The following RELN variants were observed in gnomAD, a reference collection of about 807,000 sequenced individuals.
RELN encodes the protein reelin.
In RELN, 108 loss-of-function variants were observed where a neutral mutation model predicts 427.6. The observed-to-expected ratio is 0.25, with a 90% CI of 0.22 to 0.30. RELN has a LOEUF of 0.30. Ranked by LOEUF, RELN falls within the 10% of genes least tolerant of loss-of-function variation. RELN has a pLI of 1.00. For missense variants in RELN, 3,715 were observed against 4,302.8 expected, an observed-to-expected ratio of 0.86 and a Z score of 3.82; for synonymous variants, 1,524 against 1,513.4, an observed-to-expected ratio of 1.01 and a Z score of -0.16.
chr7:103,941,016 G>A (rs1267945145), intron 1 of RELN, among the ~76,000 whole-genome samples: 6 of 152,024 alleles, frequency 3.9e-5, no homozygotes, highest in South Asian at 2.1e-4. Flanking sequence ...TAGCTTCTAC[G>A]CAATAAGCGT....
chr7:103,673,175 C>G (rs1282742625), intron 11 of RELN, among the ~76,000 whole-genome samples: 1 of 152,000 alleles, frequency 6.6e-6, no homozygotes, highest in East Asian at 1.9e-4. Flanking sequence ...TCTATTTACC[C>G]TGTATTTTAT....
intron 11 of RELN, among the ~76,000 whole-genome samples, chr7:103,671,963 T>C (rs1363078360): frequency 6.6e-6 from 1 of 152,166 alleles, no homozygotes; most frequent in Non-Finnish European, 1.5e-5. Context: ...CAAGCTTACA[T>C]AAAATCCCTC....
intron 1 of RELN, among the ~76,000 whole-genome samples, chr7:103,951,961 C>G (rs1195599585): frequency 6.6e-6 from 1 of 152,274 alleles, no homozygotes; most frequent in Non-Finnish European, 1.5e-5. Context: ...GTGTGAGCCA[C>G]TGTGCCCGGC....
intron 28 of RELN, among the ~76,000 whole-genome samples, chr7:103,583,683 G>T (rs1295737262): frequency 6.6e-6 from 1 of 152,148 alleles, no homozygotes; most frequent in African/African-American, 2.4e-5. Flanking sequence ...GACAAACAGA[G>T]AACTCACAGG....
chr7:103,712,690 A>G (rs1789835499), intron 8 of RELN, among the ~76,000 whole-genome samples: 1 of 152,206 alleles, frequency 6.6e-6, no homozygotes, highest in Non-Finnish European at 1.5e-5. Flanking sequence ...AATTCAGCTC[A>G]TGTCAAACTT....
At chr7:103,659,255 T>C (rs1833087864) in intron 12 of RELN, among the ~76,000 whole-genome samples, 1 of 152,082 alleles carries the variant, frequency 6.6e-6, no homozygotes, top group Admixed American at 6.6e-5. Context: ...TAATTTCTGA[T>C]TATTTCAATC....
At chr7:103,903,511 C>T (rs889888569) in intron 2 of RELN, among the ~76,000 whole-genome samples, 1 of 151,986 alleles carries the variant, frequency 6.6e-6, no homozygotes, top group Non-Finnish European at 1.5e-5. Flanking sequence ...TATGCTTTGC[C>T]AAGACAGAAG....
chr7:103,961,645 G>A (rs543593145), intron 1 of RELN, among the ~76,000 whole-genome samples: 1 of 152,144 alleles, frequency 6.6e-6, no homozygotes, highest in Non-Finnish European at 1.5e-5. Context: ...TTGGGATTGT[G>A]AGTCTAGGCT....
chr7:103,852,668 TG>T (rs1478799867), intron 2 of RELN, among the ~76,000 whole-genome samples: 1 of 141,410 alleles, frequency 7.1e-6, no homozygotes, highest in Non-Finnish European at 1.6e-5. Flanking sequence ...AACTCACCTT[TG>T]TTTTTGTTGT....
chr7:103,649,134 T>A (rs1832858845), intron 16 of RELN, among the ~76,000 whole-genome samples: 1 of 152,036 alleles, frequency 6.6e-6, no homozygotes, highest in East Asian at 1.9e-4. Flanking sequence ...AAACCTTTAC[T>A]TGTATGTTTA....
intron 51 of RELN, chr7:103,504,345 T>G: frequency 6.7e-6 from 1 of 150,346 alleles, no homozygotes; most frequent in Non-Finnish European, 1.5e-5. Context: ...TCATAATGAT[T>G]TAACTCGGAG....
At chr7:103,671,896 T>C (rs906511601) in intron 11 of RELN, among the ~76,000 whole-genome samples, 3 of 152,152 alleles carry the variant, frequency 2.0e-5, no homozygotes, top group Non-Finnish European at 4.4e-5. Context: ...CAAAACTCAC[T>C]TAATATAATG....
At chr7:103,808,191 A>T (rs997698353) in intron 3 of RELN, among the ~76,000 whole-genome samples, 3 of 151,618 alleles carry the variant, frequency 2.0e-5, no homozygotes, top group African/African-American at 7.3e-5. Context: ...AACAATAAAG[A>T]TAACCATCAA....
At chr7:103,544,092 A>G (rs7783520) in intron 42 of RELN, among the ~76,000 whole-genome samples, 1,764 of 152,248 alleles carry the variant, frequency 0.012, 31 homozygotes, top group African/African-American at 0.04. Context: ...AGCATGTATC[A>G]GTATTTCATT....
intron 1 of RELN, among the ~76,000 whole-genome samples, chr7:103,951,612 T>C (rs1461771754): frequency 2.0e-5 from 3 of 152,154 alleles, no homozygotes; most frequent in East Asian, 3.9e-4. Flanking sequence ...TCAACACCCA[T>C]TGCCATGAAA....
At chr7:103,754,322 A>G (rs1030261442) in intron 4 of RELN, among the ~76,000 whole-genome samples, 2 of 152,100 alleles carry the variant, frequency 1.3e-5, no homozygotes, top group Admixed American at 1.3e-4. Context: ...GACTACTAGA[A>G]TATTTAAAAT....
At chr7:103,747,559 C>T (rs539000644) in intron 6 of RELN, among the ~76,000 whole-genome samples, 1 of 151,550 alleles carries the variant, frequency 6.6e-6, no homozygotes, top group Admixed American at 6.6e-5. Context: ...CCAGGGTAGT[C>T]TGATATCAGG....
chr7:103,724,222 G>C lies in RELN; in HGVS notation c.754-1031C>G, dbSNP rs576298851. Among the ~76,000 whole-genome samples the C allele has an allele frequency of 9.9e-5, 15 of 151,320 alleles. No individual in the cohort carries two copies. The South Asian group carries it at 3.1e-3, about 32-fold the overall frequency. Reference sequence around the variant, plus strand: ...TTTTGAGACAGACTCTCTCTCTGTTGCACTTTGCTTCTTATATGTCTTAAT... The same window carrying C: ...TTTTGAGACAGACTCTCTCTCTGTTCCACTTTGCTTCTTATATGTCTTAAT... On this transcript the variant is annotated intron_variant, in intron 7 of 64. Transcript: ENST00000428762.
chr7:103,746,748 A>T (rs1349740881), intron 6 of RELN, among the ~76,000 whole-genome samples: 5 of 151,134 alleles, frequency 3.3e-5, no homozygotes, highest in Admixed American at 6.6e-5. Flanking sequence ...GGCGATCATT[A>T]AAAAGTCAGG....
Sources: gnomAD v4.1 joint callset for allele counts (sites outside exome capture counted in the v4.1 genomes callset) on GRCh38, gnomAD v4.1.1 for gene constraint, MANE v1.5 for transcripts, NCBI Gene and HGNC (gene_info 2026-07-23, HGNC 2026-07-21) for gene names.